The following CSTF2 variants were observed in gnomAD, a reference collection of about 807,000 sequenced individuals.
CSTF2 encodes CF-1 64 kDa subunit.
Under a neutral mutation model 45.4 loss-of-function variants are expected in CSTF2, and 8 were observed. The ratio of observed to expected loss-of-function variants is 0.18; its 90% confidence interval spans 0.10 to 0.32. The LOEUF (loss-of-function observed/expected upper bound fraction) is 0.32. Among genes scored for constraint, CSTF2 ranks in the 10% least tolerant of loss-of-function variants. CSTF2 has a pLI of 1.00. For missense variants in CSTF2, 253 were observed against 477.1 expected (o/e 0.53, Z 4.38); for synonymous variants, 155 against 158.9 (o/e 0.98, Z 0.18).
At chrX:100,831,012 G>C (rs182293640) in intron 8 of CSTF2, 9 of 465,586 alleles carry the variant, frequency 1.9e-5, no homozygotes, top group Non-Finnish European at 3.3e-5. Flanking sequence ...ATTTTTTCCT[G>C]TTGAGGCCAC....
chrX:100,825,222 G>A (rs1365120743), intron 6 of CSTF2, among the ~76,000 whole-genome samples: 2 of 111,835 alleles, frequency 1.8e-5, no homozygotes, highest in Non-Finnish European at 3.8e-5. Flanking sequence ...GGGGAAGACC[G>A]TACAGGCCAT....
At chrX:100,832,704 T>A (rs1259895231) in intron 9 of CSTF2, 30 bp from the exon 10 acceptor site, 1 of 1,173,823 alleles carries the variant, frequency 8.5e-7, no homozygotes, top group Admixed American at 2.4e-5. Flanking sequence ...TTGTTCTATT[T>A]TAAAATACAA....
intron 13 of CSTF2, among the ~76,000 whole-genome samples, chrX:100,838,663 A>T (rs1373866483): frequency 8.9e-6 from 1 of 111,994 alleles, no homozygotes; most frequent in African/African-American, 3.2e-5. Context: ...TGTTTCCTCA[A>T]TCTCATTCCC....
At chrX:100,833,543 A>C (rs778367959) in intron 11 of CSTF2, 71 bp downstream of exon 11, 21 of 1,001,155 alleles carry the variant, frequency 2.1e-5, no homozygotes, top group Non-Finnish European at 2.7e-5. Flanking sequence ...ATTGAGCCTA[A>C]TTATTACTGC....
Position 100,824,152 on chromosome X carries a change from G to A in CSTF2, c.597G>A (p.Thr199=), listed in dbSNP as rs1439096513. Residue 199 remains threonine (T), a synonymous_variant, in exon 6 of 14, where the codon ACG becomes ACA. Transcript: ENST00000372972. ...TGCATCGCCAGACAAATATCCCAAC[G>A]CTGATTGCAGGCAACCCTCAGCCAG... ...KILHRQTNIP[T]LIAGNPQPVH... is the part of the protein sequence containing the mutation. 19 of 1,210,229 alleles carry A rather than the reference G, an allele frequency of 1.6e-5. No homozygotes were observed. In the East Asian group the frequency reaches 1.8e-4, roughly 11 times the overall value.
intron 12 of CSTF2, 94 bp from the exon 13 acceptor site, chrX:100,838,145 T>A (rs1428847645): frequency 1.1e-6 from 1 of 936,627 alleles, no homozygotes; most frequent in Non-Finnish European, 1.4e-6. Flanking sequence ...CAGTAGCTTT[T>A]TGGACAGAAG....
Position 100,833,314 on chromosome X carries a change from C to T in CSTF2, c.1342C>T (p.Arg448Ter). 1 of 1,209,118 alleles carries T rather than the reference C, an allele frequency of 8.3e-7. No individual in the cohort carries two copies. Among genetic ancestry groups the T allele is most frequent in the Non-Finnish European group, 1.1e-6 (1 of 894,521 alleles). Residue 448 changes from arginine (R) to a stop codon, truncating the protein, a stop_gained, in exon 11 of 14, where the codon CGA becomes TGA. Transcript: ENST00000372972. LOFTEE classifies it high-confidence loss of function. The part of the protein sequence containing the change: ...RAMEARAMEA[R>*]AMEARAMEVR... ...GATGGAAGCTCGTGCAATGGAGGCC[C>T]GAGCGATGGAGGCCCGTGCAATGGA...
intron 12 of CSTF2, 122 bp downstream of exon 12, chrX:100,837,571 A>G (rs2085016528): frequency 4.7e-6 from 2 of 427,790 alleles, no homozygotes; most frequent in Non-Finnish European, 8.0e-6. Flanking sequence ...TGTTTATTCT[A>G]ACTTAGAACT....
intron 12 of CSTF2, 22 bp from the exon 13 acceptor site, chrX:100,838,217 C>A: frequency 9.8e-7 from 1 of 1,020,855 alleles, no homozygotes; most frequent in Non-Finnish European, 1.3e-6. Flanking sequence ...AACTCACTAC[C>A]TTTTTTTTTT....
rs1021054687 is a variant in CSTF2, at chrX:100,830,303, G to A, written c.890-1212G>A. On this transcript the variant is annotated intron_variant, in intron 8 of 13. Coordinates refer to ENST00000372972, the MANE Select transcript of CSTF2 (RefSeq NM_001325.3). ...CCCATCTGATACATTTTTGACAGCA[G>A]AAATTTTTGTGCTTTAAAATGTGAC... Among the ~76,000 whole-genome samples, 3 of 112,259 alleles carry A rather than the reference G, an allele frequency of 2.7e-5. 1 individual carries two copies. The Admixed American group carries it at 2.8e-4, about 11-fold the overall frequency.
At chrX:100,828,360 C>T (rs187093073) in intron 8 of CSTF2, among the ~76,000 whole-genome samples, 5 of 111,994 alleles carry the variant, frequency 4.5e-5, no homozygotes, top group Admixed American at 9.5e-5. Context: ...ATCTATTGGA[C>T]AGTGCTGGTC....
At chrX:100,838,217 C>T (rs2085020850) in intron 12 of CSTF2, 22 bp from the exon 13 acceptor site, 1 of 1,020,840 alleles carries the variant, frequency 9.8e-7, no homozygotes, top group Non-Finnish European at 1.3e-6. Context: ...AACTCACTAC[C>T]TTTTTTTTTT....
chrX:100,840,749 C>G lies in CSTF2; in HGVS notation c.*39C>G, dbSNP rs751211682. On this transcript the variant is annotated 3_prime_UTR_variant, in exon 14 of 14. Coordinates refer to ENST00000372972, the MANE Select transcript of CSTF2 (RefSeq NM_001325.3). ...ATACCTGGCAAGAAATCTGGAAATT[C>G]TATAATTTTGTTGAAATATTGAAAA... 11 of 111,910 alleles carry G rather than the reference C, an allele frequency of 9.8e-5. No homozygotes were observed. In the South Asian group the frequency reaches 4.1e-3, roughly 42 times the overall value. The allele number at this position is 111,910 out of a possible 1,213,427, so 9.2% of individuals were successfully genotyped here.
chrX:100,832,604 T>G, intron 9 of CSTF2, 130 bp from the exon 10 acceptor site: 1 of 514,750 alleles, frequency 1.9e-6, no homozygotes, highest in Non-Finnish European at 3.0e-6. Context: ...TTCCATCTAT[T>G]TGGTGTTATT....
At chrX:100,839,834 T>C (rs1160821626) in intron 13 of CSTF2, among the ~76,000 whole-genome samples, 1 of 112,400 alleles carries the variant, frequency 8.9e-6, no homozygotes, top group Admixed American at 9.4e-5. Context: ...TCCTTACTGT[T>C]TCTGGATAGT....
At chrX:100,830,033 T>C (rs1005474877) in intron 8 of CSTF2, among the ~76,000 whole-genome samples, 1 of 111,969 alleles carries the variant, frequency 8.9e-6, no homozygotes, top group African/African-American at 3.2e-5. Flanking sequence ...AGTCTTTTCG[T>C]GTGTGCCTAG....
At chrX:100,820,644 C>A in intron 1 of CSTF2, 170 bp downstream of exon 1, 3 of 555,359 alleles carry the variant, frequency 5.4e-6, no homozygotes, top group Non-Finnish European at 9.5e-6. Flanking sequence ...TCCCATTCTG[C>A]CGAGGTCTCG....
chrX:100,832,863 A>G lies in CSTF2; in HGVS notation c.1161A>G (p.Pro387=), dbSNP rs759236192. 3.7e-5 allele frequency: 45 copies of G among 1,206,814 alleles called. No homozygotes were observed. The highest frequency in any genetic ancestry group is 2.3e-4 in the Middle Eastern group (1 of 4,370). Residue 387 remains proline, a synonymous_variant, in exon 10 of 14, where the codon CCA becomes CCG. Transcript: ENST00000372972. The part of the protein sequence containing the change: ...LPEPRPLMAE[P]RGPMLDQRGP... The stretch of plus-strand genomic sequence containing the variant: ...AGCCCAGACCTCTAATGGCAGAACC[A>G]AGAGGACCCATGCTAGATCAGAGGG...
In CSTF2 at chrX:100,824,136, A is replaced by G; in HGVS notation, c.581A>G (p.Gln194Arg). Residue 194 changes from glutamine to arginine, a missense_variant, in exon 6 of 14, where the codon CAG (glutamine) becomes CGG (arginine). This residue lies in a region of CSTF2 where 200 missense variants were observed against 294.0 expected (regional missense o/e 0.68). Coordinates refer to ENST00000372972, the MANE Select transcript of CSTF2 (RefSeq NM_001325.3). ...PEIALKILHRQTNIPTLIAGN... is the reference protein window; with the variant it reads ...PEIALKILHRRTNIPTLIAGN... The stretch of plus-strand genomic sequence containing the variant: ...ACTTTTTAGAAAATTCTGCATCGCC[A>G]GACAAATATCCCAACGCTGATTGCA... 1 of 1,211,773 alleles carries G rather than the reference A, an allele frequency of 8.3e-7. No homozygotes were observed. The highest frequency in any genetic ancestry group is 1.1e-6 in the Non-Finnish European group (1 of 895,440).
Sources: allele counts gnomAD v4.1 joint callset (sites outside exome capture counted in the v4.1 genomes callset), GRCh38; gene constraint gnomAD v4.1.1; regional missense constraint gnomAD v4.1.1; transcripts MANE v1.5; gene names NCBI Gene and HGNC (gene_info 2026-07-23, HGNC 2026-07-21).